AGK: variants seen among roughly 807,000 people sequenced by gnomAD.
AGK encodes the protein acylglycerol kinase.
Under a neutral mutation model 66.4 loss-of-function variants are expected in AGK, and 52 were observed. That is an observed-to-expected ratio of 0.78 (90% CI 0.63 to 0.99). The LOEUF (loss-of-function observed/expected upper bound fraction) is 0.99, where lower values mean the gene tolerates loss of function less well. Ranked by LOEUF, AGK falls within the 50% of genes least tolerant of loss-of-function variation. The pLI, the probability that AGK is intolerant of heterozygous loss-of-function variation, is 0.00. For synonymous variants in AGK, 182 were observed against 181.1 expected (o/e 1.00, Z -0.04); for missense variants, 451 against 506.6 (o/e 0.89, Z 1.05).
chr7:141,568,732 C>T lies in AGK; in HGVS notation c.101+13165C>T, dbSNP rs548090562. Among the ~76,000 whole-genome samples, 5 of 152,096 alleles carry T rather than the reference C, an allele frequency of 3.3e-5. No individual in the cohort carries two copies. The East Asian group carries it at 7.7e-4, about 24-fold the overall frequency. On this transcript the variant is annotated intron_variant, in intron 2 of 15. Transcript: ENST00000649286. ...GACTACATGTGTGTGCCACCATGTC[C>T]GGCTAATTTTTTTTTGTATTTTTAG...
rs186334549 is a variant in AGK, at chr7:141,594,684, G to A, written c.141+1499G>A. ...TTCTTTCTTTTTTTAGACGAGTCTC[G>A]CCCTGTTGCCCAGGCTGGAGTGCAA... On this transcript the variant is annotated intron_variant, in intron 3 of 15. Transcript: ENST00000649286. Among the ~76,000 whole-genome samples the A allele has an allele frequency of 4.2e-3, 628 of 151,102 alleles. 3 individuals are homozygous for A. Among genetic ancestry groups the A allele is most frequent in the African/African-American group, 0.014 (593 of 41,126 alleles).
rs948205848 is a variant in AGK, at chr7:141,653,986, G to A, written c.*1062G>A. 2 of 152,014 alleles carry A rather than the reference G, an allele frequency of 1.3e-5. No individual in the cohort carries two copies. The highest frequency in any genetic ancestry group is 1.9e-4 in the East Asian group (1 of 5,202). The allele number at this position is 152,014 out of a possible 1,614,324, so 9.4% of individuals were successfully genotyped here. On this transcript the variant is annotated 3_prime_UTR_variant, in exon 16 of 16. Coordinates refer to ENST00000649286, the MANE Select transcript of AGK (RefSeq NM_018238.4). ...TAAAAATAAATGAGCTAGTTCTTTA[G>A]TAGTTAAACATTTCAAATTGGCTTT...
rs565577601 is a variant in AGK, at chr7:141,585,644, T to G, written c.102-7502T>G. ...AGGACAGATCAAGGTGGTTTTTCTCTCCATGTAAAGTTGCTATTGGAATAA... is the reference window on the plus strand; with the variant it reads ...AGGACAGATCAAGGTGGTTTTTCTCGCCATGTAAAGTTGCTATTGGAATAA... On this transcript the variant is annotated intron_variant, in intron 2 of 15. Transcript: ENST00000649286. Among the ~76,000 whole-genome samples, 42 of 152,328 alleles carry G rather than the reference T, an allele frequency of 2.8e-4. No individual in the cohort carries two copies. In the South Asian group the frequency reaches 8.5e-3, roughly 31 times the overall value.
intron 8 of AGK, among the ~76,000 whole-genome samples, chr7:141,619,331 G>A (rs752357204): frequency 2.0e-5 from 3 of 152,068 alleles, no homozygotes; most frequent in Non-Finnish European, 2.9e-5. Flanking sequence ...GTGTGGTGCT[G>A]GCAAAACAAG....
intron 13 of AGK, among the ~76,000 whole-genome samples, chr7:141,646,356 T>C (rs1797413724): frequency 6.6e-6 from 1 of 151,920 alleles, no homozygotes; most frequent in Admixed American, 6.6e-5. Flanking sequence ...AAGCCAGGAA[T>C]AGTTCGTGTT....
chr7:141,553,259 G>A (rs548690393), intron 1 of AGK, among the ~76,000 whole-genome samples: 3 of 152,048 alleles, frequency 2.0e-5, no homozygotes, highest in Admixed American at 1.3e-4. Context: ...ATTATCTCCC[G>A]AAGGCTCTAT....
intron 9 of AGK, among the ~76,000 whole-genome samples, chr7:141,633,406 A>G (rs1054442553): frequency 6.6e-6 from 1 of 152,206 alleles, no homozygotes; most frequent in Non-Finnish European, 1.5e-5. Context: ...ACCAAATCCA[A>G]ATCACTTTTT....
intron 13 of AGK, among the ~76,000 whole-genome samples, chr7:141,645,160 A>G (rs571666273): frequency 6.6e-6 from 1 of 152,246 alleles, no homozygotes; most frequent in Admixed American, 6.5e-5. Context: ...ACATTTCTAC[A>G]ATATTGACTC....
chr7:141,654,047 G>GAATCCTATCATAATGTAATCTATT lies in AGK; in HGVS notation c.*1125_*1148dup. On this transcript the variant is annotated 3_prime_UTR_variant, in exon 16 of 16. Coordinates refer to ENST00000649286, the MANE Select transcript of AGK (RefSeq NM_018238.4). Reference sequence around the variant, plus strand: ...TATTTCCATACCACTTTTCAGCCAAGAATCCTATCATAATGTAATCTATTA... The same window carrying GAATCCTATCATAATGTAATCTATT: ...TATTTCCATACCACTTTTCAGCCAAGAATCCTATCATAATGTAATCTATTAATCCTATCATAATGTAATCTATTA... 1 of 152,022 alleles carries GAATCCTATCATAATGTAATCTATT rather than the reference G, an allele frequency of 6.6e-6. No homozygotes were observed. Among genetic ancestry groups the GAATCCTATCATAATGTAATCTATT allele is most frequent in the East Asian group, 1.9e-4 (1 of 5,174 alleles). The allele number at this position is 152,022 out of a possible 1,614,324, so 9.4% of individuals were successfully genotyped here.
At chr7:141,584,007 A>G (rs999002858) in intron 2 of AGK, among the ~76,000 whole-genome samples, 1 of 151,924 alleles carries the variant, frequency 6.6e-6, no homozygotes, top group African/African-American at 2.4e-5. Flanking sequence ...TGATCTCCCA[A>G]GGGAGGTCCC....
intron 1 of AGK, among the ~76,000 whole-genome samples, chr7:141,553,986 T>C (rs951725055): frequency 6.6e-6 from 1 of 152,132 alleles, no homozygotes; most frequent in Non-Finnish European, 1.5e-5. Flanking sequence ...AGAAAGTACA[T>C]TGCAATTTTA....
At chr7:141,577,844 A>G (rs1795783869) in intron 2 of AGK, among the ~76,000 whole-genome samples, 1 of 146,654 alleles carries the variant, frequency 6.8e-6, no homozygotes. Flanking sequence ...TTTGAAACAG[A>G]GCCTCACTCT....
intron 2 of AGK, among the ~76,000 whole-genome samples, chr7:141,589,877 A>C (rs2116915497): frequency 6.6e-6 from 1 of 152,336 alleles, no homozygotes; most frequent in East Asian, 1.9e-4. Context: ...AAGTATGATT[A>C]TAATGAGATC....
At chr7:141,591,424 G>T (rs1201012967) in intron 2 of AGK, among the ~76,000 whole-genome samples, 1 of 152,078 alleles carries the variant, frequency 6.6e-6, no homozygotes, top group Admixed American at 6.6e-5. Flanking sequence ...GATTCACAGC[G>T]TCCATACTTC....
Position 141,621,050 on chromosome 7 carries a change from C to T in AGK, c.519-682C>T, listed in dbSNP as rs146129711. On this transcript the variant is annotated intron_variant, in intron 8 of 15. Coordinates refer to ENST00000649286, the MANE Select transcript of AGK (RefSeq NM_018238.4). ...AAACTGAGAAACATTTGTTCAAAGTCCAGAGACAGGCTCATTAAAGCCTGA... is the reference window on the plus strand; with the variant it reads ...AAACTGAGAAACATTTGTTCAAAGTTCAGAGACAGGCTCATTAAAGCCTGA... 7.2e-5 allele frequency among the ~76,000 whole-genome samples: 11 copies of T among 152,316 alleles called. No individual in the cohort carries two copies. The East Asian group carries it at 2.1e-3, about 29-fold the overall frequency.
At chr7:141,617,353 C>G (rs1207123218) in intron 8 of AGK, among the ~76,000 whole-genome samples, 1 of 152,152 alleles carries the variant, frequency 6.6e-6, no homozygotes, top group Non-Finnish European at 1.5e-5. Flanking sequence ...TGTAGTTAAA[C>G]TACTACTGTT....
At chr7:141,647,483 C>T (rs74890321) in intron 13 of AGK, among the ~76,000 whole-genome samples, 3 of 152,136 alleles carry the variant, frequency 2.0e-5, no homozygotes, top group South Asian at 2.1e-4. Context: ...TGAAGGCCTC[C>T]GCCCCAGTAG....
intron 5 of AGK, among the ~76,000 whole-genome samples, chr7:141,603,126 A>G (rs1275954110): frequency 6.6e-6 from 1 of 152,132 alleles, no homozygotes; most frequent in Admixed American, 6.5e-5. Flanking sequence ...ACTATATTCT[A>G]TATATGTTCA....
At chr7:141,596,720 G>A in intron 4 of AGK, 79 bp downstream of exon 4, 2 of 1,289,246 alleles carry the variant, frequency 1.6e-6, no homozygotes, top group Non-Finnish European at 2.2e-6. Flanking sequence ...CAGCTAGTGA[G>A]ATTGTGTGGA....
Sources: gnomAD v4.1 joint callset for allele counts (sites outside exome capture counted in the v4.1 genomes callset) on GRCh38, gnomAD v4.1.1 for gene constraint, MANE v1.5 for transcripts, NCBI Gene and HGNC (gene_info 2026-07-23, HGNC 2026-07-21) for gene names.